Variants in RAD51B observed in about 807,000 individuals in gnomAD.
RAD51B encodes the protein DNA repair protein RAD51 homolog 2.
RAD51B carries 38 observed loss-of-function variants against 42.2 expected under a neutral mutation model. That is an observed-to-expected ratio of 0.90 (90% CI 0.70 to 1.18). RAD51B has a LOEUF of 1.18. Among genes scored for constraint, RAD51B ranks in the 50% most tolerant of loss-of-function variants. RAD51B has a pLI of 0.00. For synonymous variants in RAD51B, 154 were observed against 145.2 expected, an observed-to-expected ratio of 1.06 and a Z score of -0.43; for missense variants, 373 against 400.7, an observed-to-expected ratio of 0.93 and a Z score of 0.59.
At chr14:68,255,761 C>G (rs2080741522) in intron 7 of RAD51B, among the ~76,000 whole-genome samples, 1 of 152,132 alleles carries the variant, frequency 6.6e-6, no homozygotes, top group Non-Finnish European at 1.5e-5. Context: ...ATGTGTATTG[C>G]TACAGAGCTT....
At chr14:67,939,217 C>G (rs901168742) in intron 7 of RAD51B, among the ~76,000 whole-genome samples, 4 of 152,028 alleles carry the variant, frequency 2.6e-5, no homozygotes, top group African/African-American at 9.7e-5. Context: ...CCCCTGCCCC[C>G]CTCCATGTGG....
rs977943152 is a variant in RAD51B at position 68,338,885 on chromosome 14, A to G, written c.853+46905A>G. ...TGATAGCTTCCACCAGCTTAGCCAAAGCTCCTTTGTCTTCCGAGTTAACCT... is the reference window on the plus strand; with the variant it reads ...TGATAGCTTCCACCAGCTTAGCCAAGGCTCCTTTGTCTTCCGAGTTAACCT... On this transcript the variant is annotated intron_variant, in intron 8 of 10. Transcript: ENST00000471583. 11 of 640,766 alleles carry G rather than the reference A, an allele frequency of 1.7e-5. No homozygotes were observed. In the African/African-American group the frequency reaches 2.0e-4, roughly 12 times the overall value. 39.7% of individuals were successfully genotyped at this position (640,766 alleles called of 1,614,324 possible).
At chr14:68,497,172 G>A (rs748570844) in intron 10 of RAD51B, 2 of 1,397,328 alleles carry the variant, frequency 1.4e-6, no homozygotes, top group East Asian at 3.3e-5. Flanking sequence ...TGTTCATCTT[G>A]CCAAGAAAAA....
intron 10 of RAD51B, among the ~76,000 whole-genome samples, chr14:68,579,078 T>A (rs1393859487): frequency 1.3e-5 from 2 of 152,160 alleles, no homozygotes; most frequent in African/African-American, 4.8e-5. Flanking sequence ...TGATGCCAGA[T>A]TCAGCTCTCT....
At chr14:68,020,559 C>G (rs1036567253) in intron 7 of RAD51B, among the ~76,000 whole-genome samples, 1 of 151,880 alleles carries the variant, frequency 6.6e-6, no homozygotes, top group African/African-American at 2.4e-5. Context: ...TAAAATTGTC[C>G]ACTATTAACA....
chr14:68,327,400 A>C (rs538848294), intron 8 of RAD51B, among the ~76,000 whole-genome samples: 45 of 150,558 alleles, frequency 3.0e-4, no homozygotes, highest in Non-Finnish European at 6.1e-4. Context: ...TTTTTTAACA[A>C]AGAGTTGTTC....
At chr14:68,066,489 G>A (rs2076652139) in intron 7 of RAD51B, among the ~76,000 whole-genome samples, 1 of 152,188 alleles carries the variant, frequency 6.6e-6, no homozygotes, top group South Asian at 2.1e-4. Flanking sequence ...AGGATATCAT[G>A]TTTGCAAGAA....
At chr14:68,532,379 G>A (rs1034649988) in intron 10 of RAD51B, among the ~76,000 whole-genome samples, 1 of 151,844 alleles carries the variant, frequency 6.6e-6, no homozygotes, top group East Asian at 1.9e-4. Context: ...ATAATATTAA[G>A]AATTATAAAG....
intron 7 of RAD51B, among the ~76,000 whole-genome samples, chr14:67,998,012 T>G (rs78906807): frequency 3.0e-4 from 45 of 152,322 alleles, no homozygotes; most frequent in African/African-American, 1.1e-3. Flanking sequence ...TACAACCCTT[T>G]TGACACTTGT....
chr14:68,266,565 G>A (rs949830089), intron 7 of RAD51B, among the ~76,000 whole-genome samples: 2 of 152,206 alleles, frequency 1.3e-5, no homozygotes, highest in African/African-American at 4.8e-5. Flanking sequence ...ATGTCCTTTA[G>A]CTTAAAATGC....
chr14:68,357,784 C>T (rs952465070), intron 8 of RAD51B, among the ~76,000 whole-genome samples: 1 of 152,134 alleles, frequency 6.6e-6, no homozygotes, highest in Non-Finnish European at 1.5e-5. Context: ...TTAAAATATT[C>T]AGTAAACCAT....
intron 7 of RAD51B, among the ~76,000 whole-genome samples, chr14:67,952,323 T>C (rs1566975527): frequency 6.6e-6 from 1 of 152,162 alleles, no homozygotes; most frequent in African/African-American, 2.4e-5. Context: ...CAGTGTGAGA[T>C]TTTAAGCAGT....
chr14:67,834,942 A>G, intron 3 of RAD51B, 138 bp from the exon 4 acceptor site: 1 of 647,424 alleles, frequency 1.5e-6, no homozygotes, highest in Non-Finnish European at 2.7e-6. Context: ...CAGAGTAAAT[A>G]TTTGTTGAAC....
intron 7 of RAD51B, among the ~76,000 whole-genome samples, chr14:67,940,580 T>C (rs1331187749): frequency 6.6e-6 from 1 of 152,172 alleles, no homozygotes; most frequent in East Asian, 1.9e-4. Context: ...TAAGGTTCCA[T>C]GTACTCTGTC....
chr14:67,864,998 T>TTTTTTTTTTTG lies in RAD51B; in HGVS notation c.316-3_316-2insTTTTTTTTGTT. ...TTTTTTTTTTTTTTTTTTTTTTTTTTTTAGATTACAGGTCCACCAGGTTGT... is the reference window on the plus strand; with the variant it reads ...TTTTTTTTTTTTTTTTTTTTTTTTTTTTTTTTTTTTGTTAGATTACAGGTCCACCAGGTTGT... On this transcript the variant is annotated splice_region_variant and splice_polypyrimidine_tract_variant and intron_variant, in intron 4 of 10. Coordinates refer to ENST00000471583, the MANE Select transcript of RAD51B (RefSeq NM_133510.4). 2 of 1,300,314 alleles carry TTTTTTTTTTTG rather than the reference T, an allele frequency of 1.5e-6. No homozygotes were observed. The highest frequency in any genetic ancestry group is 2.0e-6 in the Non-Finnish European group (2 of 1,021,960). The allele number at this position is 1,300,314 out of a possible 1,614,324, so 80.5% of individuals were successfully genotyped here.
intron 8 of RAD51B, among the ~76,000 whole-genome samples, chr14:68,301,071 T>C (rs965670890): frequency 3.3e-5 from 5 of 152,196 alleles, no homozygotes; most frequent in Non-Finnish European, 7.4e-5. Context: ...TATGTGTGTG[T>C]GTTGAAGGTG....
chr14:67,984,241 C>G (rs2075145399), intron 7 of RAD51B, among the ~76,000 whole-genome samples: 1 of 152,024 alleles, frequency 6.6e-6, no homozygotes, highest in South Asian at 2.1e-4. Flanking sequence ...CTGGCCAGGG[C>G]TGGGTTTTTA....
chr14:68,156,455 T>TTCTCTCTCCC (rs2078508626), intron 7 of RAD51B, among the ~76,000 whole-genome samples: 2 of 114,266 alleles, frequency 1.8e-5, no homozygotes, highest in African/African-American at 3.5e-5. Context: ...CTTAGAAAAT[T>TTCTCTCTCCC]TCTCTCTCTC....
chr14:68,184,900 T>C (rs2079128034), intron 7 of RAD51B, among the ~76,000 whole-genome samples: 1 of 152,206 alleles, frequency 6.6e-6, no homozygotes. Flanking sequence ...TTCATGAGTT[T>C]TAGTCCTAGC....
Sources: allele counts gnomAD v4.1 joint callset (sites outside exome capture counted in the v4.1 genomes callset), GRCh38; gene constraint gnomAD v4.1.1; transcripts MANE v1.5; gene names NCBI Gene and HGNC (gene_info 2026-07-23, HGNC 2026-07-21).